The following SEMA6D variants were observed in gnomAD, a reference collection of about 807,000 sequenced individuals.
SEMA6D encodes semaphorin-6D.
A neutral mutation model predicts 106.6 loss-of-function variants in SEMA6D; 35 were observed. The ratio of observed to expected loss-of-function variants is 0.33; its 90% CI spans 0.25 to 0.44. The LOEUF is 0.44. SEMA6D is among the 20% of genes least tolerant of loss of function. SEMA6D has a pLI of 1.00. For synonymous variants in SEMA6D, 499 were observed against 487.7 expected, an observed-to-expected ratio of 1.02 and a Z score of -0.31; for missense variants, 1,185 against 1,345.9, an observed-to-expected ratio of 0.88 and a Z score of 1.87.
At chr15:47,206,056 C>A (rs1895038312) in intron 1 of SEMA6D, among the ~76,000 whole-genome samples, 1 of 152,074 alleles carries the variant, frequency 6.6e-6, no homozygotes, top group Non-Finnish European at 1.5e-5. Context: ...CATTAGTTTC[C>A]TTCATTTCAA....
chr15:47,246,922 G>A (rs531361944), intron 1 of SEMA6D, among the ~76,000 whole-genome samples: 34 of 152,056 alleles, frequency 2.2e-4, no homozygotes, highest in Non-Finnish European at 4.7e-4. Flanking sequence ...GGTGTGTGGC[G>A]GCCAAATGAC....
chr15:47,633,973 G>A (rs760723545), intron 4 of SEMA6D, among the ~76,000 whole-genome samples: 7 of 151,876 alleles, frequency 4.6e-5, no homozygotes, highest in Non-Finnish European at 8.8e-5. Context: ...ATTTCCATTC[G>A]GTCTTTTTAA....
intron 3 of SEMA6D, among the ~76,000 whole-genome samples, chr15:47,542,745 T>C (rs753201387): frequency 1.3e-5 from 2 of 152,186 alleles, no homozygotes; most frequent in Non-Finnish European, 2.9e-5. Context: ...TGGAATGTCA[T>C]AAAAGCACTC....
At chr15:47,282,308 A>G (rs2035162582) in intron 1 of SEMA6D, among the ~76,000 whole-genome samples, 1 of 152,128 alleles carries the variant, frequency 6.6e-6, no homozygotes, top group South Asian at 2.1e-4. Context: ...GTGTAAACGG[A>G]TTTATGCAGT....
intron 1 of SEMA6D, among the ~76,000 whole-genome samples, chr15:47,403,238 A>T (rs2040455919): frequency 6.6e-6 from 1 of 152,150 alleles, no homozygotes; most frequent in African/African-American, 2.4e-5. Flanking sequence ...GGACCAGTAA[A>T]TGCACAACTC....
chr15:47,527,125 G>A (rs1596244825), intron 3 of SEMA6D, among the ~76,000 whole-genome samples: 1 of 152,150 alleles, frequency 6.6e-6, no homozygotes, highest in Admixed American at 6.5e-5. Context: ...CATGAGGAGT[G>A]TTTGCCAAAC....
chr15:47,465,620 G>A (rs1307782817), intron 2 of SEMA6D, among the ~76,000 whole-genome samples: 2 of 152,096 alleles, frequency 1.3e-5, no homozygotes, highest in African/African-American at 4.8e-5. Context: ...TCATGATAGT[G>A]AGTTTTCATG....
intron 4 of SEMA6D, among the ~76,000 whole-genome samples, chr15:47,628,379 A>G (rs755475079): frequency 6.6e-6 from 1 of 152,120 alleles, no homozygotes; most frequent in Non-Finnish European, 1.5e-5. Context: ...TATTCTGACC[A>G]GCAAGGTATG....
In SEMA6D at chr15:47,261,302, G is replaced by T. The variant is rs937581843; in HGVS notation, c.-239+76884G>T. 2.6e-5 allele frequency among the ~76,000 whole-genome samples: 4 copies of T among 152,120 alleles called. No homozygotes were observed. The South Asian group carries it at 8.3e-4, about 32-fold the overall frequency. ...ATTGTATTGGTAGCACCTGTAACCC[G>T]ACCTGCCAGGTTAGGTGAATATTAC... is the stretch of plus-strand genomic sequence containing the variant. On this transcript the variant is annotated intron_variant, in intron 1 of 19. Transcript: ENST00000558014.
chr15:47,765,170 G>T, intron 13 of SEMA6D, 114 bp downstream of exon 13: 1 of 1,457,362 alleles, frequency 6.9e-7, no homozygotes, highest in South Asian at 1.6e-5. Flanking sequence ...GCATAATAGT[G>T]TTTTGTGTTT....
chr15:47,606,737 T>C (rs945523083), intron 4 of SEMA6D, among the ~76,000 whole-genome samples: 1 of 152,208 alleles, frequency 6.6e-6, no homozygotes, highest in Non-Finnish European at 1.5e-5. Flanking sequence ...TGTGATTCCT[T>C]GGCTAAATGA....
At chr15:47,481,683 A>G (rs1431347946) in intron 3 of SEMA6D, among the ~76,000 whole-genome samples, 2 of 152,166 alleles carry the variant, frequency 1.3e-5, no homozygotes, top group Non-Finnish European at 2.9e-5. Flanking sequence ...TCTGAACAGG[A>G]GGGGAAGATT....
chr15:47,593,320 G>T (rs1242053522), intron 3 of SEMA6D, among the ~76,000 whole-genome samples: 1 of 144,312 alleles, frequency 6.9e-6, no homozygotes, highest in Non-Finnish European at 1.5e-5. Context: ...CAGGAGAATG[G>T]CATGGAGCCG....
At chr15:47,605,533 C>T (rs1019959996) in intron 4 of SEMA6D, among the ~76,000 whole-genome samples, 10 of 147,406 alleles carry the variant, frequency 6.8e-5, no homozygotes, top group Non-Finnish European at 1.2e-4. Flanking sequence ...CACAAGACTG[C>T]CCCTACTTCA....
At chr15:47,513,273 A>G (rs1023181260) in intron 3 of SEMA6D, among the ~76,000 whole-genome samples, 1 of 152,112 alleles carries the variant, frequency 6.6e-6, no homozygotes, top group African/African-American at 2.4e-5. Flanking sequence ...TCTATAAATT[A>G]TATTATAATA....
chr15:47,536,129 C>A (rs1035704), intron 3 of SEMA6D, among the ~76,000 whole-genome samples: 119,344 of 152,102 alleles, frequency 0.78, 47,831 homozygotes, highest in African/African-American at 0.94. Context: ...CTAATGTTCC[C>A]GGTAGATAAA....
At chr15:47,373,989 T>A (rs1372351547) in intron 1 of SEMA6D, among the ~76,000 whole-genome samples, 7 of 152,190 alleles carry the variant, frequency 4.6e-5, no homozygotes, top group African/African-American at 1.7e-4. Context: ...GTCCATATAA[T>A]GGCTAAACAC....
At chr15:47,377,301 G>A (rs1003726622) in intron 1 of SEMA6D, among the ~76,000 whole-genome samples, 2 of 152,126 alleles carry the variant, frequency 1.3e-5, no homozygotes. Flanking sequence ...TGTCATCTTT[G>A]GAAACATCAG....
chr15:47,255,369 A>G (rs1020997358), intron 1 of SEMA6D, among the ~76,000 whole-genome samples: 3 of 151,162 alleles, frequency 2.0e-5, no homozygotes, highest in African/African-American at 7.3e-5. Flanking sequence ...TGTCAATTTT[A>G]CTTATTTTTT....
Sources: gnomAD v4.1 joint callset for allele counts (sites outside exome capture counted in the v4.1 genomes callset) on GRCh38, gnomAD v4.1.1 for gene constraint, MANE v1.5 for transcripts, NCBI Gene and HGNC (gene_info 2026-07-23, HGNC 2026-07-21) for gene names.